AP1S2: variants seen among roughly 807,000 people sequenced by gnomAD.
The protein encoded by AP1S2 is adaptor related protein complex 1 subunit sigma 2.
AP1S2 carries 1 observed loss-of-function variant against 14.3 expected under a neutral mutation model. The observed-to-expected ratio is 0.07, with a 90% CI of 0.02 to 0.33. AP1S2 has a LOEUF of 0.33. AP1S2 is among the 10% of genes least tolerant of loss of function. AP1S2 has a pLI of 0.99. For synonymous variants in AP1S2, 30 were observed against 40.5 expected (o/e 0.74, Z 0.99); for missense variants, 30 against 117.7 (o/e 0.25, Z 3.45).
intron 4 of AP1S2, among the ~76,000 whole-genome samples, chrX:15,839,497 C>T (rs778515810): frequency 2.0e-4 from 20 of 99,624 alleles, no homozygotes; most frequent in East Asian, 3.8e-4. Context: ...TCCTTCCTTT[C>T]GGCAAAGTTT....
Position 15,852,528 on chromosome X carries a change from T to G in AP1S2, c.1-4A>C. ...TAAAAAGCAACATAAACTGCATCTG[T>G]TAAGATAAATAAAATCAAGATTACA... is the stretch of plus-strand genomic sequence containing the variant. On this transcript the variant is annotated splice_polypyrimidine_tract_variant and splice_region_variant and intron_variant, in intron 1 of 5. Transcript: ENST00000672987. The G allele has an allele frequency of 8.4e-7, 1 of 1,195,351 alleles. No individual in the cohort carries two copies. The highest frequency in any genetic ancestry group is 1.1e-6 in the Non-Finnish European group (1 of 884,552).
At position 15,833,368 on chromosome X, in the gene AP1S2, A is replaced by C. The variant is rs890417601; in HGVS notation, c.427-5168T>G. 4.7e-6 allele frequency: 4 copies of C among 849,948 alleles called. No homozygotes were observed. In the African/African-American group the frequency reaches 8.9e-5, roughly 19 times the overall value. The allele number at this position is 849,948 out of a possible 1,213,427, so 70.0% of individuals were successfully genotyped here. ...ACACACCTTTTACTGCTTTTAGGAA[A>C]GAAAAGGGTTGATGATAAGCCAAAC... On this transcript the variant is annotated intron_variant, in intron 4 of 5. Coordinates refer to ENST00000672987, the MANE Select transcript of AP1S2 (RefSeq NM_001272071.2).
At chrX:15,839,162 T>A (rs1282634177) in intron 4 of AP1S2, among the ~76,000 whole-genome samples, 2 of 112,232 alleles carry the variant, frequency 1.8e-5, no homozygotes, top group African/African-American at 6.5e-5. Context: ...TTGTCCAGAA[T>A]TTGTTATAAT....
At chrX:15,845,792 C>T in intron 3 of AP1S2, 111 bp downstream of exon 3, 1 of 727,310 alleles carries the variant, frequency 1.4e-6, no homozygotes, top group East Asian at 3.2e-5. Context: ...TAGTCATTCC[C>T]ACCCTCTCCC....
chrX:15,854,744 A>G lies in AP1S2; in HGVS notation c.-57T>C. On this transcript the variant is annotated 5_prime_UTR_variant, in exon 1 of 6. Coordinates refer to ENST00000672987, the MANE Select transcript of AP1S2 (RefSeq NM_001272071.2). The stretch of plus-strand genomic sequence containing the variant: ...TGGCCGGCGGCGGCGGCGGCGGCGA[A>G]GGGGAAGCCCCTGTCGCCGTGCTGA... 1 of 803,707 alleles carries G rather than the reference A, an allele frequency of 1.2e-6. No individual in the cohort carries two copies. The highest frequency in any genetic ancestry group is 1.5e-6 in the Non-Finnish European group (1 of 670,369). The allele number at this position is 803,707 out of a possible 1,213,427, so 66.2% of individuals were successfully genotyped here.
At chrX:15,827,642 C>G (rs1933305946) in intron 5 of AP1S2, among the ~76,000 whole-genome samples, 1 of 111,625 alleles carries the variant, frequency 9.0e-6, no homozygotes, top group South Asian at 3.7e-4. Context: ...AGCAGTCAAG[C>G]CCAGTGCAAA....
chrX:15,849,156 A>G (rs146286369), intron 2 of AP1S2, among the ~76,000 whole-genome samples: 6 of 112,214 alleles, frequency 5.3e-5, no homozygotes, highest in Non-Finnish European at 1.1e-4. Context: ...AAGGGAACAG[A>G]ACTTAAGTCC....
chrX:15,830,178 G>T (rs771481800), intron 4 of AP1S2: 3 of 751,403 alleles, frequency 4.0e-6, no homozygotes, highest in Middle Eastern at 7.6e-4. Context: ...CTTAGCACAA[G>T]GCATCCAACA....
At chrX:15,845,028 A>G (rs924227907) in intron 4 of AP1S2, 30 of 748,079 alleles carry the variant, frequency 4.0e-5, no homozygotes, top group Non-Finnish European at 4.3e-5. Context: ...GTTATCTTAA[A>G]CAATTTGAAG....
At chrX:15,852,261 A>G (rs1978719052) in intron 2 of AP1S2, 85 bp downstream of exon 2, 2 of 867,266 alleles carry the variant, frequency 2.3e-6, no homozygotes, top group Admixed American at 5.8e-5. Context: ...ATCGTTATTT[A>G]TAAATGTCAT....
rs770804791 is a variant in AP1S2 at position 15,845,536 on chromosome X, G to GA, written c.289-21dup. 59 of 1,188,250 alleles carry GA rather than the reference G, an allele frequency of 5.0e-5. No individual in the cohort carries two copies. The highest frequency in any genetic ancestry group is 6.5e-5 in the Non-Finnish European group (58 of 885,900). On this transcript the variant is annotated intron_variant, in intron 3 of 5. Transcript: ENST00000672987. ...ACAGACCTGAAAAGGAAAAAAAAAA[G>GA]AAAAAAGAAAAGAAAAAATTGTTAA...
At chrX:15,839,040 G>C (rs1182489582) in intron 4 of AP1S2, among the ~76,000 whole-genome samples, 1 of 112,039 alleles carries the variant, frequency 8.9e-6, no homozygotes, top group Non-Finnish European at 1.9e-5. Flanking sequence ...GAGCCACCAT[G>C]CCTGGCCAAA....
rs763252203 is a variant in AP1S2, at chrX:15,842,689, T to C, written c.426+2690A>G. ...GGAAAATTTTACATGGGACCAACCA[T>C]ACTCATCCTATGCTTTTCTCTTTGC... On this transcript the variant is annotated intron_variant, in intron 4 of 5. Coordinates refer to ENST00000672987, the MANE Select transcript of AP1S2 (RefSeq NM_001272071.2). Among the ~76,000 whole-genome samples, 4 of 112,284 alleles carry C rather than the reference T, an allele frequency of 3.6e-5. No homozygotes were observed. In the East Asian group the frequency reaches 1.1e-3, roughly 31 times the overall value.
rs750241601 is a variant in AP1S2, at chrX:15,826,106, T to C, written c.*1219A>G. The C allele has an allele frequency of 8.9e-6, 1 of 112,561 alleles. No homozygotes were observed. Among genetic ancestry groups the C allele is most frequent in the Admixed American group, 9.4e-5 (1 of 10,636 alleles). The allele number at this position is 112,561 out of a possible 1,213,427, so 9.3% of individuals were successfully genotyped here. Reference sequence around the variant, plus strand: ...AACGTTTATTACAACTAATTGGCGATGTGATAAGACAGTGCTCACGTGGCC... The same window carrying C: ...AACGTTTATTACAACTAATTGGCGACGTGATAAGACAGTGCTCACGTGGCC... On this transcript the variant is annotated 3_prime_UTR_variant, in exon 6 of 6. Transcript: ENST00000672987.
intron 2 of AP1S2, among the ~76,000 whole-genome samples, chrX:15,852,118 T>G (rs184687220): frequency 1.5e-4 from 17 of 112,599 alleles, no homozygotes; most frequent in African/African-American, 5.5e-4. Flanking sequence ...ATTTATGCCT[T>G]TAATTATATA....
intron 4 of AP1S2, among the ~76,000 whole-genome samples, chrX:15,839,862 T>A (rs1442144379): frequency 9.0e-6 from 1 of 111,682 alleles, no homozygotes; most frequent in East Asian, 2.8e-4. Context: ...TGTTATTCAA[T>A]ACTTCAAAAA....
chrX:15,851,073 C>G (rs1203072875), intron 2 of AP1S2, among the ~76,000 whole-genome samples: 3 of 111,788 alleles, frequency 2.7e-5, no homozygotes, highest in African/African-American at 9.8e-5. Flanking sequence ...AGCCTCACTT[C>G]CACTCATTTT....
At chrX:15,833,796 A>T (rs186853190) in intron 4 of AP1S2, among the ~76,000 whole-genome samples, 1 of 111,871 alleles carries the variant, frequency 8.9e-6, no homozygotes, top group Non-Finnish European at 1.9e-5. Context: ...TCACATAAAA[A>T]TTATATCAAT....
Position 15,827,241 on chromosome X carries a change from C to T in AP1S2, c.*84G>A. On this transcript the variant is annotated 3_prime_UTR_variant, in exon 6 of 6. Transcript: ENST00000672987. ...GTAATACTGACAAGACATCATCTTA[C>T]ACCATGAGCTAACATGGACATGAAG... 1.1e-6 allele frequency: 1 copy of T among 894,998 alleles called. No homozygotes were observed. Among genetic ancestry groups the T allele is most frequent in the Non-Finnish European group, 1.6e-6 (1 of 606,790 alleles). The allele number at this position is 894,998 out of a possible 1,213,427, so 73.8% of individuals were successfully genotyped here. A position where few individuals can be genotyped will look rare whatever the true frequency, so the allele number is the denominator to read the frequency against.
Sources: allele counts gnomAD v4.1 joint callset (sites outside exome capture counted in the v4.1 genomes callset), GRCh38; gene constraint gnomAD v4.1.1; transcripts MANE v1.5; gene names NCBI Gene and HGNC (gene_info 2026-07-23, HGNC 2026-07-21).